METTL25: variants seen among roughly 807,000 people sequenced by gnomAD.
METTL25 encodes the protein probable methyltransferase-like protein 25.
In METTL25, 64 loss-of-function variants were observed where a neutral mutation model predicts 71.6. The observed-to-expected ratio is 0.89, with a 90% CI of 0.73 to 1.10. The LOEUF (loss-of-function observed/expected upper bound fraction) is 1.10. METTL25 is among the 50% of genes least tolerant of loss of function. The pLI, the probability that METTL25 is intolerant of heterozygous loss-of-function variation, is 0.00. For synonymous variants in METTL25, 287 were observed against 250.3 expected (o/e 1.15, Z -1.38); for missense variants, 807 against 707.0 (o/e 1.14, Z -1.60).
At chr12:82,436,372 A>T (rs1389804777) in intron 7 of METTL25, among the ~76,000 whole-genome samples, 1 of 151,502 alleles carries the variant, frequency 6.6e-6, no homozygotes, top group Non-Finnish European at 1.5e-5. Flanking sequence ...ATGTTAATGT[A>T]TCACTTAAGG....
At chr12:82,440,079 T>G (rs1209633198) in intron 8 of METTL25, among the ~76,000 whole-genome samples, 2 of 152,002 alleles carry the variant, frequency 1.3e-5, no homozygotes, top group Admixed American at 1.3e-4. Context: ...CTCTAAAATC[T>G]CTTCCTCATT....
intron 7 of METTL25, 94 bp downstream of exon 7, chr12:82,434,818 T>G: frequency 9.8e-7 from 1 of 1,021,482 alleles, no homozygotes; most frequent in Non-Finnish European, 1.5e-6. Context: ...TAATGGAATT[T>G]AATAAATATC....
intron 8 of METTL25, among the ~76,000 whole-genome samples, chr12:82,439,322 A>G (rs574642471): frequency 4.3e-4 from 65 of 151,838 alleles, no homozygotes; most frequent in Middle Eastern, 6.8e-3. Flanking sequence ...CAGAAAAGCA[A>G]GGGGTAGGAT....
intron 1 of METTL25, among the ~76,000 whole-genome samples, chr12:82,376,357 A>C (rs1041173974): frequency 1.3e-5 from 2 of 152,198 alleles, no homozygotes; most frequent in African/African-American, 4.8e-5. Flanking sequence ...AGTTTTGATA[A>C]TTCTCTGCAA....
At chr12:82,425,301 A>G (rs1185172860) in intron 5 of METTL25, among the ~76,000 whole-genome samples, 1 of 152,052 alleles carries the variant, frequency 6.6e-6, no homozygotes, top group Non-Finnish European at 1.5e-5. Context: ...CTACCACTTT[A>G]TACATGTGTT....
At chr12:82,444,604 A>G (rs1890609251) in intron 8 of METTL25, among the ~76,000 whole-genome samples, 1 of 152,210 alleles carries the variant, frequency 6.6e-6, no homozygotes, top group African/African-American at 2.4e-5. Context: ...ACATTTGTTA[A>G]GAGATAGGCA....
intron 5 of METTL25, among the ~76,000 whole-genome samples, chr12:82,404,910 C>G (rs1459483434): frequency 6.6e-6 from 1 of 151,124 alleles, no homozygotes; most frequent in Non-Finnish European, 1.5e-5. Context: ...CGCCATTGCA[C>G]TCCAGCATGG....
chr12:82,419,440 T>G (rs996347503), intron 5 of METTL25, among the ~76,000 whole-genome samples: 3 of 152,126 alleles, frequency 2.0e-5, no homozygotes, highest in African/African-American at 7.2e-5. Flanking sequence ...TTTTTCTGGA[T>G]TGATTTCATC....
intron 4 of METTL25, 82 bp from the exon 5 acceptor site, chr12:82,402,901 T>A: frequency 9.7e-7 from 1 of 1,033,400 alleles, no homozygotes; most frequent in South Asian, 1.7e-5. Context: ...CATTGCAAGA[T>A]CCTGTATGTA....
chr12:82,459,596 C>T (rs988304829), intron 9 of METTL25, among the ~76,000 whole-genome samples: 3 of 152,096 alleles, frequency 2.0e-5, no homozygotes, highest in African/African-American at 7.2e-5. Context: ...CACTGCACTT[C>T]AGCCTGGATG....
intron 8 of METTL25, among the ~76,000 whole-genome samples, chr12:82,444,930 C>G (rs1773950971): frequency 1.3e-5 from 2 of 152,050 alleles, no homozygotes; most frequent in South Asian, 4.1e-4. Flanking sequence ...TACAGTTACC[C>G]TGGAACAACA....
intron 9 of METTL25, among the ~76,000 whole-genome samples, chr12:82,470,995 G>A (rs17009622): frequency 0.047 from 7,199 of 152,154 alleles, 194 homozygotes; most frequent in African/African-American, 0.078. Flanking sequence ...TGGTCTAGGA[G>A]GACAAGATGC....
At chr12:82,404,217 T>G (rs1020713004) in intron 5 of METTL25, among the ~76,000 whole-genome samples, 1 of 152,032 alleles carries the variant, frequency 6.6e-6, no homozygotes, top group East Asian at 1.9e-4. Context: ...TGTATAGAGA[T>G]AGAATGAAAG....
At chr12:82,468,965 TACA>T (rs1892410020) in intron 9 of METTL25, 1 of 152,240 alleles carries the variant, frequency 6.6e-6, no homozygotes, top group Admixed American at 6.6e-5. Context: ...AAACCTAGAT[TACA>T]ACAACAGAAA....
intron 1 of METTL25, among the ~76,000 whole-genome samples, chr12:82,360,714 A>G (rs145328735): frequency 3.3e-5 from 5 of 152,260 alleles, no homozygotes; most frequent in African/African-American, 9.6e-5. Flanking sequence ...GGAGACTGAA[A>G]TAGATTTCCA....
In METTL25 at chr12:82,403,024, T is replaced by C. The variant is rs1333091717; in HGVS notation, c.1173T>C (p.Ala391=). The C allele has an allele frequency of 1.2e-6, 2 of 1,613,168 alleles. No homozygotes were observed. The highest frequency in any genetic ancestry group is 2.7e-5 in the African/African-American group (2 of 74,896). Residue 391 remains alanine, a synonymous_variant, in exon 5 of 12, where the codon GCT becomes GCC. Coordinates refer to ENST00000248306, the MANE Select transcript of METTL25 (RefSeq NM_032230.3). ...MVGLHTCGDL[A]PNTLRIFTSN... is the part of the protein sequence containing the mutation. ...GTCTCCACACTTGTGGTGATCTGGC[T>C]CCAAATACTTTGCGAATATTTACCT...
chr12:82,441,292 T>TTATATATATA (rs71068929), intron 8 of METTL25, among the ~76,000 whole-genome samples: 2 of 148,542 alleles, frequency 1.3e-5, no homozygotes, highest in South Asian at 4.3e-4. Context: ...CACTAACATC[T>TTATATATATA]TATATATATA....
intron 3 of METTL25, among the ~76,000 whole-genome samples, chr12:82,395,396 A>T (rs1885977330): frequency 6.6e-6 from 1 of 152,070 alleles, no homozygotes; most frequent in African/African-American, 2.4e-5. Context: ...CAGGGAGATC[A>T]CTGAGAAAGC....
At chr12:82,464,158 T>C (rs1297695424) in intron 9 of METTL25, among the ~76,000 whole-genome samples, 1 of 152,002 alleles carries the variant, frequency 6.6e-6, no homozygotes, top group Non-Finnish European at 1.5e-5. Context: ...GCCGGTGCTT[T>C]TGAGGTCTTA....
Sources: gnomAD v4.1 joint callset for allele counts (sites outside exome capture counted in the v4.1 genomes callset) on GRCh38, gnomAD v4.1.1 for gene constraint, MANE v1.5 for transcripts, NCBI Gene and HGNC (gene_info 2026-07-23, HGNC 2026-07-21) for gene names.